The following ETV7 variants were observed in gnomAD, a reference collection of about 807,000 sequenced individuals.
The protein encoded by ETV7 is transcription factor ETV7.
A neutral mutation model predicts 39.1 loss-of-function variants in ETV7; 43 were observed. The ratio of observed to expected loss-of-function variants is 1.10; its 90% CI spans 0.86 to 1.42. The LOEUF is 1.42. Among genes scored for constraint, ETV7 ranks in the 40% most tolerant of loss-of-function variants. The pLI, the probability that ETV7 is intolerant of heterozygous loss-of-function variation, is 0.00. For missense variants in ETV7, 432 were observed against 442.3 expected, an observed-to-expected ratio of 0.98 and a Z score of 0.21; for synonymous variants, 196 against 176.6, an observed-to-expected ratio of 1.11 and a Z score of -0.87.
chr6:36,376,548 C>A (rs979858327), intron 2 of ETV7, among the ~76,000 whole-genome samples: 28 of 152,050 alleles, frequency 1.8e-4, no homozygotes, highest in Non-Finnish European at 3.4e-4. Context: ...GAGGCCGAGG[C>A]GGGTGGATCA....
intron 3 of ETV7, 23 bp from the exon 4 acceptor site, chr6:36,373,601 G>GTGGGTGGCC: frequency 2.1e-6 from 1 of 475,650 alleles, no homozygotes; most frequent in Non-Finnish European, 4.0e-6. Context: ...GGGAGGGAGG[G>GTGGGTGGCC]CAGGCTGCTG....
intron 5 of ETV7, among the ~76,000 whole-genome samples, chr6:36,369,439 G>A (rs552735946): frequency 1.3e-5 from 2 of 152,312 alleles, no homozygotes; most frequent in East Asian, 3.9e-4. Flanking sequence ...GAGGGGCTGG[G>A]CCCCTGACCC....
chr6:36,366,180 AAAAG>A (rs1772706163), downstream of ETV7: 4 of 1,000,028 alleles, frequency 4.0e-6, no homozygotes, highest in South Asian at 1.7e-4. Flanking sequence ...TCAAAAAAAT[AAAAG>A]AAAGAAACAT....
intron 5 of ETV7, 54 bp from the exon 6 acceptor site, chr6:36,369,125 A>G: frequency 1.9e-6 from 3 of 1,607,556 alleles, no homozygotes; most frequent in Non-Finnish European, 2.5e-6. Context: ...AGCTGTGAGG[A>G]CAGGTGTTAG....
intron 3 of ETV7, among the ~76,000 whole-genome samples, chr6:36,373,861 C>T (rs2127393151): frequency 6.6e-6 from 1 of 152,326 alleles, no homozygotes; most frequent in East Asian, 1.9e-4. Flanking sequence ...GGCTGTTTCT[C>T]AACCCTCGCA....
intron 7 of ETV7, among the ~76,000 whole-genome samples, chr6:36,354,870 A>G (rs1772298037): frequency 6.6e-6 from 1 of 152,150 alleles, no homozygotes; most frequent in Non-Finnish European, 1.5e-5. Context: ...CTTGTGCTTT[A>G]AGTTTATTTG....
intron 6 of ETV7, among the ~76,000 whole-genome samples, chr6:36,367,658 C>T (rs1582179894): frequency 6.6e-6 from 1 of 151,302 alleles, no homozygotes; most frequent in East Asian, 2.0e-4. Context: ...CATGGATGGC[C>T]TTGCCAGGCC....
At position 36,366,501 on chromosome 6, in the gene ETV7, C is replaced by A. The variant is rs997217451; in HGVS notation, c.*144G>T. ...CCAGTGTCCTGGATGGGAGGCCTCC[C>A]AGCCTTCCCAAGCAATGGCTGTAAT... is the stretch of plus-strand genomic sequence containing the variant. On this transcript the variant is annotated 3_prime_UTR_variant, in exon 8 of 8. Coordinates refer to ENST00000340181, the MANE Select transcript of ETV7 (RefSeq NM_016135.4). 2 of 1,521,960 alleles carry A rather than the reference C, an allele frequency of 1.3e-6. No individual in the cohort carries two copies. The highest frequency in any genetic ancestry group is 4.5e-5 in the East Asian group (2 of 44,054). The allele number at this position is 1,521,960 out of a possible 1,614,324, so 94.3% of individuals were successfully genotyped here. A position where few individuals can be genotyped will look rare whatever the true frequency, so the allele number is the denominator to read the frequency against.
chr6:36,369,201 A>G (rs947293692), intron 5 of ETV7, 130 bp from the exon 6 acceptor site: 47 of 1,007,690 alleles, frequency 4.7e-5, no homozygotes, highest in Non-Finnish European at 6.3e-5. Context: ...GAAAATGATG[A>G]TATCAACAGA....
intron 7 of ETV7, among the ~76,000 whole-genome samples, chr6:36,356,340 C>CA (rs979143117): frequency 0.022 from 2,794 of 128,266 alleles, 100 homozygotes; most frequent in African/African-American, 0.073. Flanking sequence ...AAAAAAAAAA[C>CA]AAAAAAAAAC....
downstream of ETV7, among the ~76,000 whole-genome samples, chr6:36,363,320 G>A (rs541970358): frequency 2.6e-5 from 4 of 152,250 alleles, no homozygotes; most frequent in Non-Finnish European, 2.9e-5. Flanking sequence ...TGAAGCTGCA[G>A]ACCTTCGCGG....
downstream of ETV7, among the ~76,000 whole-genome samples, chr6:36,363,526 T>A (rs13212270): frequency 2.0e-5 from 3 of 152,108 alleles, no homozygotes; most frequent in Non-Finnish European, 2.9e-5. Flanking sequence ...AAGCTGCAGA[T>A]CTTCGCACTA....
At chr6:36,367,862 C>T (rs1357506190) in intron 6 of ETV7, among the ~76,000 whole-genome samples, 4 of 152,084 alleles carry the variant, frequency 2.6e-5, no homozygotes. Context: ...GGAGAACACC[C>T]ATCGCATAAG....
At chr6:36,359,724 T>A (rs183935622) in intron 7 of ETV7, among the ~76,000 whole-genome samples, 1 of 152,366 alleles carries the variant, frequency 6.6e-6, no homozygotes, top group Admixed American at 6.5e-5. Context: ...GTGCTTAACC[T>A]ACAGTAGGTG....
At chr6:36,372,259 A>G (rs6457904) in intron 4 of ETV7, among the ~76,000 whole-genome samples, 43,223 of 152,036 alleles carry the variant, frequency 0.28, 6,519 homozygotes, top group Admixed American at 0.37. Context: ...GGGCAGGAGC[A>G]TCTCAGACTT....
intron 6 of ETV7, 30 bp from the exon 7 acceptor site, chr6:36,367,005 C>G (rs374151662): frequency 4.1e-5 from 64 of 1,560,026 alleles, no homozygotes; most frequent in Non-Finnish European, 5.4e-5. Flanking sequence ...CACATCAGCC[C>G]CACTCCCCAT....
intron 3 of ETV7, among the ~76,000 whole-genome samples, chr6:36,374,635 G>A (rs916302343): frequency 6.6e-6 from 1 of 152,216 alleles, no homozygotes; most frequent in Non-Finnish European, 1.5e-5. Flanking sequence ...GACCATCAGG[G>A]CTGTGGGGAA....
At chr6:36,367,541 G>T (rs183445790) in intron 6 of ETV7, among the ~76,000 whole-genome samples, 33 of 152,310 alleles carry the variant, frequency 2.2e-4, no homozygotes, top group Admixed American at 2.1e-3. Flanking sequence ...AGAACATAGT[G>T]TGGGAGTGAA....
rs1772295930 is a variant in ETV7, at chr6:36,354,784, CATGTT to C, written c.909-102_909-98del. On this transcript the variant is annotated intron_variant, in intron 7 of 7. Transcript: ENST00000339796. Reference sequence around the variant, plus strand: ...TATTGCCATCTTAACAATCCAGGAACATGTTATATCTGTCCATTTATTTAGATTTG... The same window carrying C: ...TATTGCCATCTTAACAATCCAGGAACATATCTGTCCATTTATTTAGATTTG... 50 of 594,780 alleles carry C rather than the reference CATGTT, an allele frequency of 8.4e-5. 1 individual carries two copies. The South Asian group carries it at 8.6e-4, about 10-fold the overall frequency. 36.8% of individuals were successfully genotyped at this position (594,780 alleles called of 1,614,324 possible).
Sources: allele counts gnomAD v4.1 joint callset (sites outside exome capture counted in the v4.1 genomes callset), GRCh38; gene constraint gnomAD v4.1.1; transcripts MANE v1.5; gene names NCBI Gene and HGNC (gene_info 2026-07-23, HGNC 2026-07-21).